The following LCORL variants were observed in gnomAD, a reference collection of about 807,000 sequenced individuals.
LCORL encodes the protein ligand-dependent nuclear receptor corepressor-like protein.
LCORL carries 41 observed loss-of-function variants against 141.8 expected under a neutral mutation model. The ratio of observed to expected loss-of-function variants is 0.29; its 90% confidence interval spans 0.23 to 0.38. The LOEUF (loss-of-function observed/expected upper bound fraction) is 0.38, where lower values mean the gene tolerates loss of function less well. LCORL is among the 10% of genes least tolerant of loss of function. The pLI is 1.00. For missense variants in LCORL, 1,759 were observed against 2,035.0 expected (o/e 0.86, Z 2.61); for synonymous variants, 618 against 694.1 (o/e 0.89, Z 1.72).
chr4:17,879,499 T>TGCCGCC (rs1727286706), intron 6 of LCORL, among the ~76,000 whole-genome samples: 2 of 151,096 alleles, frequency 1.3e-5, no homozygotes, highest in South Asian at 4.1e-4. Context: ...TTAAAGTCAC[T>TGCCGCC]GCCGCCTCTA....
chr4:17,935,327 CAT>C (rs909526328), intron 4 of LCORL, among the ~76,000 whole-genome samples: 2 of 152,116 alleles, frequency 1.3e-5, no homozygotes, highest in African/African-American at 4.8e-5. Context: ...TACTACTTAA[CAT>C]ATATTTCCAT....
chr4:17,929,510 T>C (rs1238601702), intron 4 of LCORL, among the ~76,000 whole-genome samples: 1 of 152,188 alleles, frequency 6.6e-6, no homozygotes, highest in African/African-American at 2.4e-5. Context: ...AACAATTCAA[T>C]GGGTGAAAGA....
Position 17,909,091 on chromosome 4 carries a change from T to A in LCORL, c.682+3A>T. 1 of 1,581,354 alleles carries A rather than the reference T, an allele frequency of 6.3e-7. No individual in the cohort carries two copies. The highest frequency in any genetic ancestry group is 8.6e-7 in the Non-Finnish European group (1 of 1,167,358). The stretch of plus-strand genomic sequence containing the variant: ...TATATTAAATGCACACAAAAAATCT[T>A]ACCTTGCTGAGTATTTTGTTCTTGC... On this transcript the variant is annotated splice_donor_region_variant and intron_variant, in intron 5 of 7. Transcript: ENST00000635767.
intron 5 of LCORL, among the ~76,000 whole-genome samples, chr4:17,906,735 G>A (rs1344931430): frequency 6.9e-6 from 1 of 145,916 alleles, no homozygotes; most frequent in African/African-American, 2.6e-5. Context: ...TTGCCAGGCT[G>A]GAATGCAGTG....
At chr4:17,865,274 A>G (rs1725508253) in intron 7 of LCORL, among the ~76,000 whole-genome samples, 1 of 152,252 alleles carries the variant, frequency 6.6e-6, no homozygotes, top group Non-Finnish European at 1.5e-5. Flanking sequence ...AAAAAATTCA[A>G]AAAGACTGAA....
At chr4:17,986,891 T>A (rs1402984365) in intron 1 of LCORL, among the ~76,000 whole-genome samples, 1 of 152,206 alleles carries the variant, frequency 6.6e-6, no homozygotes, top group Non-Finnish European at 1.5e-5. Context: ...CAATTATGAC[T>A]ACACTTTTCA....
chr4:17,924,100 T>A (rs1734735259), intron 4 of LCORL, among the ~76,000 whole-genome samples: 1 of 151,918 alleles, frequency 6.6e-6, no homozygotes, highest in Admixed American at 6.6e-5. Context: ...CTTGGAAGAA[T>A]CATGATTGGG....
intron 4 of LCORL, among the ~76,000 whole-genome samples, chr4:17,928,379 C>T: frequency 6.6e-6 from 1 of 152,142 alleles, no homozygotes; most frequent in Non-Finnish European, 1.5e-5. Context: ...ACCACTGCCA[C>T]CCCAGCCTGG....
intron 5 of LCORL, among the ~76,000 whole-genome samples, chr4:17,897,722 C>T (rs919719823): frequency 2.6e-5 from 4 of 152,130 alleles, no homozygotes; most frequent in African/African-American, 7.2e-5. Flanking sequence ...TATTTTCATA[C>T]TTGACCACCT....
chr4:17,888,712 T>C (rs140938510), intron 5 of LCORL, among the ~76,000 whole-genome samples: 80 of 152,300 alleles, frequency 5.3e-4, no homozygotes, highest in Admixed American at 2.2e-3. Context: ...TCATTTGTAT[T>C]ACTAAACATT....
At chr4:17,915,239 C>T (rs571331263) in intron 4 of LCORL, among the ~76,000 whole-genome samples, 6 of 152,228 alleles carry the variant, frequency 3.9e-5, no homozygotes, top group Admixed American at 3.9e-4. Context: ...ATGGAAGCCT[C>T]CTGCAAGCAG....
At chr4:17,879,852 C>T (rs1476852164) in intron 6 of LCORL, among the ~76,000 whole-genome samples, 1 of 150,914 alleles carries the variant, frequency 6.6e-6, no homozygotes, top group Non-Finnish European at 1.5e-5. Flanking sequence ...TGTATTTTAA[C>T]GATTAATAAT....
At chr4:17,843,474 T>G in exon 8 of LCORL, 1 of 1,589,250 alleles carries the variant, frequency 6.3e-7, no homozygotes. Context: ...AGTTATTTGC[T>G]TTAATAAAGA....
chr4:18,012,955 CTTAAA>C (rs983791382), intron 1 of LCORL, among the ~76,000 whole-genome samples: 4 of 152,162 alleles, frequency 2.6e-5, no homozygotes, highest in East Asian at 3.8e-4. Flanking sequence ...AAATATAGCT[CTTAAA>C]TTAGTTTACG....
intron 5 of LCORL, among the ~76,000 whole-genome samples, chr4:17,895,581 C>T (rs1729799969): frequency 6.6e-6 from 1 of 152,144 alleles, no homozygotes. Flanking sequence ...TAGGTTGATC[C>T]CGTAATCTTG....
intron 2 of LCORL, among the ~76,000 whole-genome samples, chr4:17,970,232 C>T (rs1005200195): frequency 3.3e-5 from 5 of 152,148 alleles, no homozygotes; most frequent in African/African-American, 1.2e-4. Context: ...AAAACCAAAG[C>T]AGAAAATCTA....
intron 5 of LCORL, among the ~76,000 whole-genome samples, chr4:17,903,589 C>T (rs900621167): frequency 8.5e-5 from 13 of 152,078 alleles, no homozygotes; most frequent in African/African-American, 3.1e-4. Flanking sequence ...ATAGGCAATG[C>T]ATGCCTCACC....
chr4:17,921,329 G>C (rs557631709), intron 4 of LCORL, among the ~76,000 whole-genome samples: 3 of 152,056 alleles, frequency 2.0e-5, no homozygotes, highest in Non-Finnish European at 4.4e-5. Context: ...GCACCCAACC[G>C]AATCAGTAAT....
At chr4:17,883,529 C>T (rs1727857082) in intron 6 of LCORL, 3 of 1,320,682 alleles carry the variant, frequency 2.3e-6, no homozygotes, top group African/African-American at 3.0e-5. Context: ...CAGTGAAAAC[C>T]CTGAATAAAA....
Sources: allele counts gnomAD v4.1 joint callset (sites outside exome capture counted in the v4.1 genomes callset), GRCh38; gene constraint gnomAD v4.1.1; transcripts MANE v1.5; gene names NCBI Gene and HGNC (gene_info 2026-07-23, HGNC 2026-07-21).